The following ATR variants were observed in gnomAD, a reference collection of about 807,000 sequenced individuals.
The protein encoded by ATR is serine/threonine-protein kinase ATR.
A neutral mutation model predicts 305.3 loss-of-function variants in ATR; 142 were observed. The observed-to-expected ratio is 0.47, with a 90% confidence interval of 0.41 to 0.53. ATR has a LOEUF of 0.53. Ranked by LOEUF, ATR falls within the 20% of genes least tolerant of loss-of-function variation. The probability of loss-of-function intolerance (pLI) is 0.00; values close to 1 mark genes in which losing one functional copy is unlikely to be tolerated. For synonymous variants in ATR, 1,050 were observed against 1,068.1 expected, an observed-to-expected ratio of 0.98 and a Z score of 0.33; for missense variants, 2,135 against 3,133.1, an observed-to-expected ratio of 0.68 and a Z score of 7.60.
chr3:142,513,996 A>T (rs569239898), intron 25 of ATR, among the ~76,000 whole-genome samples: 13 of 152,164 alleles, frequency 8.5e-5, no homozygotes, highest in Non-Finnish European at 1.5e-4. Flanking sequence ...TCAGCCGGGC[A>T]TGGTGGCTCA....
At chr3:142,554,065 G>T in intron 10 of ATR, 50 bp from the exon 11 acceptor site, 1 of 1,434,092 alleles carries the variant, frequency 7.0e-7, no homozygotes, top group Non-Finnish European at 9.5e-7. Flanking sequence ...AAATGTCAAG[G>T]TTGTACTGTA....
At chr3:142,577,702 A>G (rs2035485656) in intron 1 of ATR, among the ~76,000 whole-genome samples, 1 of 152,268 alleles carries the variant, frequency 6.6e-6, no homozygotes, top group African/African-American at 2.4e-5. Context: ...GAAAGTTTTC[A>G]AACAGTTTAA....
intron 18 of ATR, among the ~76,000 whole-genome samples, chr3:142,539,459 G>T (rs1295386629): frequency 1.3e-5 from 2 of 152,098 alleles, no homozygotes; most frequent in African/African-American, 4.8e-5. Flanking sequence ...AATAAAAAAG[G>T]ATAGTGACTT....
chr3:142,559,045 A>C, intron 7 of ATR: 1 of 650,038 alleles, frequency 1.5e-6, no homozygotes, highest in East Asian at 2.9e-5. Flanking sequence ...GTTATAAATA[A>C]TTTCTATTGA....
chr3:142,453,136 T>A lies in ATR; in HGVS notation c.7753A>T (p.Asn2585Tyr), dbSNP rs1159372434. 1 of 1,614,014 alleles carries A rather than the reference T, an allele frequency of 6.2e-7. No homozygotes were observed. The highest frequency in any genetic ancestry group is 8.5e-7 in the Non-Finnish European group (1 of 1,180,006). ...APLNETGEVV[N>Y]EKAKTHVLDI... ...CTATACCTTCTACTAACCTTTTCAT[T>A]GACAACTTCTCCAGTTTCATTCAGT... Residue 2585 changes from asparagine to tyrosine, a missense_variant, in exon 46 of 47, where the codon AAT (asparagine) becomes TAT (tyrosine). By Grantham distance (143) the Asn-to-Tyr change is moderately radical. Transcript: ENST00000350721.
At chr3:142,549,928 C>A (rs1033331626) in intron 14 of ATR, among the ~76,000 whole-genome samples, 2 of 152,106 alleles carry the variant, frequency 1.3e-5, no homozygotes, top group African/African-American at 4.8e-5. Flanking sequence ...GACATAAGGG[C>A]TCAAATAGCT....
At chr3:142,553,113 A>T (rs2034536818) in intron 13 of ATR, 114 bp downstream of exon 13, 2 of 1,338,494 alleles carry the variant, frequency 1.5e-6, no homozygotes, top group African/African-American at 3.0e-5. Context: ...TTAAAATATA[A>T]ATTGAAGAAA....
At chr3:142,523,414 C>A (rs565433460) in intron 22 of ATR, among the ~76,000 whole-genome samples, 1 of 151,666 alleles carries the variant, frequency 6.6e-6, no homozygotes, top group South Asian at 2.1e-4. Flanking sequence ...AGCGAGACTC[C>A]GTCCAAAAAA....
chr3:142,535,292 CATTA>C, intron 20 of ATR, 87 bp from the exon 21 acceptor site: 1 of 1,511,926 alleles, frequency 6.6e-7, no homozygotes, highest in Non-Finnish European at 9.1e-7. Flanking sequence ...ATATAGTTAC[CATTA>C]AACTATACCA....
rs771710840 is a variant in ATR, at chr3:142,561,371, G to A, written c.1221C>T (p.Ile407=). ...GAGTTTGGCATTGAATCTCCTCAAT[G>A]ATTTCCATACTTTCCATTTTCAAAG... is the stretch of plus-strand genomic sequence containing the variant. ...YAALKMESME[I]IEEIQCQTQQ... is the part of the protein sequence containing the mutation. The change falls in exon 5 of 47, where the codon ATC becomes ATT. Residue 407 remains isoleucine, a synonymous_variant. Transcript: ENST00000350721. 6.2e-7 allele frequency: 1 copy of A among 1,613,972 alleles called. No individual in the cohort carries two copies. The highest frequency in any genetic ancestry group is 8.5e-7 in the Non-Finnish European group (1 of 1,179,962).
chr3:142,465,222 GAGAAGCA>G lies in ATR; in HGVS notation c.6909_6915del (p.Ala2304PhefsTer9), dbSNP rs2071100245. On this transcript the variant is annotated frameshift_variant, in exon 41 of 47. Transcript: ENST00000350721. LOFTEE classifies it high-confidence loss of function. ...AAAGAAATCTTCTTTGGTTTCTGAA[GAGAAGCA>G]AGAATTTCCACCTAAAAGATGATGA... The G allele has an allele frequency of 6.2e-7, 1 of 1,610,206 alleles. No individual in the cohort carries two copies.
At chr3:142,568,523 C>A (rs1335134598) in intron 1 of ATR, among the ~76,000 whole-genome samples, 4 of 152,200 alleles carry the variant, frequency 2.6e-5, no homozygotes, top group African/African-American at 9.6e-5. Context: ...GCTGCTCTCT[C>A]CAGGGCGCTA....
At chr3:142,499,854 ATAAT>A (rs2031862062) in intron 30 of ATR, 136 bp from the exon 31 acceptor site, 2 of 729,184 alleles carry the variant, frequency 2.7e-6, no homozygotes, top group Non-Finnish European at 4.4e-6. Context: ...TAGATATAAA[ATAAT>A]TATCTCTATC....
Position 142,496,512 on chromosome 3 carries a change from T to C in ATR, c.5747A>G (p.Tyr1916Cys). 1 of 1,609,386 alleles carries C rather than the reference T, an allele frequency of 6.2e-7. No individual in the cohort carries two copies. Among genetic ancestry groups the C allele is most frequent in the Non-Finnish European group, 8.5e-7 (1 of 1,177,714 alleles). ...ALLSLNKRPD[Y>C]NEMVGECWLQ... The stretch of plus-strand genomic sequence containing the variant: ...CCAGCATTCTCCAACCATTTCATTG[T>C]AATCTGGTCTAAAGGAAGTAACAAC... Residue 1916 changes from tyrosine (Y) to cysteine (C), a missense_variant, in exon 34 of 47, where the codon TAC (tyrosine) becomes TGC (cysteine). Tyr to Cys is a radical substitution (Grantham distance 194). Coordinates refer to ENST00000350721, the MANE Select transcript of ATR (RefSeq NM_001184.4).
In ATR at chr3:142,553,948, T is replaced by C. The variant is rs766396565; in HGVS notation, c.2409A>G (p.Lys803=). The C allele has an allele frequency of 2.8e-5, 45 of 1,610,792 alleles. No homozygotes were observed. Among genetic ancestry groups the C allele is most frequent in the Non-Finnish European group, 3.6e-5 (43 of 1,178,666 alleles). ...AATTTAATAAAGTTCCAAGAACTGC[T>C]TTTACATCTGTTTCATCTTCTCTAA... ...LDFREDETDV[K]AVLGTLLNLM... Residue 803 remains lysine (K), a synonymous_variant, in exon 11 of 47, where the codon AAA becomes AAG. Coordinates refer to ENST00000350721, the MANE Select transcript of ATR (RefSeq NM_001184.4).
At chr3:142,540,823 C>T (rs2108437306) in intron 18 of ATR, 81 bp downstream of exon 18, 1 of 1,481,054 alleles carries the variant, frequency 6.8e-7, no homozygotes, top group East Asian at 2.5e-5. Context: ...CCCAATTTCC[C>T]TCAAAGAGAT....
Position 142,519,737 on chromosome 3 carries a change from T to C in ATR, c.4314A>G (p.Pro1438=), listed in dbSNP as rs55806603. 24 of 1,614,164 alleles carry C rather than the reference T, an allele frequency of 1.5e-5. No homozygotes were observed. The East Asian group carries it at 4.9e-4, about 33-fold the overall frequency. ...GAAATCTCCTCCACAATTGGTGACCTGGGCCGTTGGTCTCCATCTCTCTAC... is the reference window on the plus strand; with the variant it reads ...GAAATCTCCTCCACAATTGGTGACCCGGGCCGTTGGTCTCCATCTCTCTAC... The part of the protein sequence containing the change: ...YDCREMETNG[P]GHQLWRRFPE... The change falls in exon 24 of 47, where the codon CCA becomes CCG. Residue 1438 remains proline (P), a synonymous_variant. Transcript: ENST00000350721.
chr3:142,527,008 C>T (rs1364814512), intron 21 of ATR, among the ~76,000 whole-genome samples: 8 of 151,942 alleles, frequency 5.3e-5, no homozygotes, highest in African/African-American at 1.7e-4. Flanking sequence ...AGGCTGGTCT[C>T]GAACCCTTGG....
chr3:142,560,628 T>C (rs946339272), intron 5 of ATR, among the ~76,000 whole-genome samples, 174 bp from the exon 6 acceptor site: 1 of 151,994 alleles, frequency 6.6e-6, no homozygotes, highest in African/African-American at 2.4e-5. Context: ...TGGCGCCATC[T>C]CGGCTCACTG....
Sources: allele counts gnomAD v4.1 joint callset (sites outside exome capture counted in the v4.1 genomes callset), GRCh38; gene constraint gnomAD v4.1.1; transcripts MANE v1.5; gene names NCBI Gene and HGNC (gene_info 2026-07-23, HGNC 2026-07-21).